The following SZRD1 variants were observed in gnomAD, a reference collection of about 807,000 sequenced individuals.
SZRD1 encodes the protein SUZ RNA-binding domain-containing.
Under a neutral mutation model 17.6 loss-of-function variants are expected in SZRD1, and 7 were observed. That is an observed-to-expected ratio of 0.40 (90% CI 0.23 to 0.75). SZRD1 has a LOEUF of 0.75. Among genes scored for constraint, SZRD1 ranks in the 30% least tolerant of loss-of-function variants. SZRD1 has a pLI of 0.38. For synonymous variants in SZRD1, 77 were observed against 77.9 expected, an observed-to-expected ratio of 0.99 and a Z score of 0.06; for missense variants, 178 against 201.8, an observed-to-expected ratio of 0.88 and a Z score of 0.71.
intron 1 of SZRD1, among the ~76,000 whole-genome samples, chr1:16,377,805 A>G (rs982029288): frequency 6.6e-6 from 1 of 152,148 alleles, no homozygotes; most frequent in African/African-American, 2.4e-5. Flanking sequence ...TCACAGGTGG[A>G]TGTGGGAGCC....
In SZRD1 at chr1:16,386,159, G is replaced by A. The variant is rs538426054; in HGVS notation, c.52-5216G>A. 3.9e-5 allele frequency among the ~76,000 whole-genome samples: 6 copies of A among 152,248 alleles called. No individual in the cohort carries two copies. In the South Asian group the frequency reaches 1.0e-3, roughly 26 times the overall value. On this transcript the variant is annotated intron_variant, in intron 1 of 3. Coordinates refer to ENST00000401088, the MANE Select transcript of SZRD1 (RefSeq NM_001114600.3). ...ACTTGGCTGAAGAGCCTTTCCAGGAGCAGGAGCCATAGGAGATCACTTTCC... is the reference window on the plus strand; with the variant it reads ...ACTTGGCTGAAGAGCCTTTCCAGGAACAGGAGCCATAGGAGATCACTTTCC...
Position 16,393,236 on chromosome 1 carries a change from C to A in SZRD1, c.110C>A (p.Ser37Tyr). ...TGTTTGCTCTTTGTCAGCAGGAAAT[C>A]CAAATCTCCTCCCAAAGTGCCCATT... ...LKITQKESRK[S>Y]KSPPKVPIVI... is the part of the protein sequence containing the mutation. The change falls in exon 3 of 4, where the codon TCC (serine) becomes TAC (tyrosine). Residue 37 changes from serine (S) to tyrosine (Y), a missense_variant. Ser to Tyr is a moderately radical substitution (Grantham distance 144). This residue lies in a region of SZRD1 where 117 missense variants were observed against 108.7 expected (regional missense o/e 1.08). Transcript: ENST00000401088. This position sits in a 1 kb window ranked among gnomAD's most constrained non-coding sequence, Gnocchi z 5.6. The A allele has an allele frequency of 1.9e-6, 3 of 1,613,944 alleles. No homozygotes were observed. Among genetic ancestry groups the A allele is most frequent in the Non-Finnish European group, 1.7e-6 (2 of 1,179,860 alleles).
At chr1:16,381,818 G>A (rs555769781) in intron 1 of SZRD1, among the ~76,000 whole-genome samples, 1 of 151,682 alleles carries the variant, frequency 6.6e-6, no homozygotes, top group East Asian at 2.0e-4. Flanking sequence ...TGTAATCCCA[G>A]CTACTCAGAA....
At chr1:16,376,683 G>A (rs1307247628) in intron 1 of SZRD1, among the ~76,000 whole-genome samples, 1 of 151,472 alleles carries the variant, frequency 6.6e-6, no homozygotes, top group African/African-American at 2.4e-5. Flanking sequence ...GCAGGTGCCT[G>A]TAACCCAAGC....
intron 1 of SZRD1, among the ~76,000 whole-genome samples, chr1:16,375,810 T>C (rs1228125467): frequency 1.3e-5 from 2 of 152,304 alleles, no homozygotes; most frequent in Middle Eastern, 3.4e-3. Flanking sequence ...TGAGATTGTA[T>C]AGAAGGAAAG....
rs1354763101 is a variant in SZRD1 at position 16,391,675 on chromosome 1, A to C, written c.101+251A>C. Among the ~76,000 whole-genome samples, 3 of 152,022 alleles carry C rather than the reference A, an allele frequency of 2.0e-5. No homozygotes were observed. Among genetic ancestry groups the C allele is most frequent in the African/African-American group, 4.8e-5 (2 of 41,384 alleles). ...GAGGTCATCTGATGCAATGTGAGGA[A>C]GTGACAAGTTGGAAGACTTGAGTTT... On this transcript the variant is annotated intron_variant, in intron 2 of 3. Transcript: ENST00000401088. The surrounding 1 kb of genome is among the most constrained non-coding windows in gnomAD (Gnocchi z 4.3).
rs375301778 is a variant in SZRD1 at position 16,384,010 on chromosome 1, T to C, written c.52-7365T>C. Among the ~76,000 whole-genome samples the C allele has an allele frequency of 1.2e-4, 18 of 152,324 alleles. 1 individual carries two copies. In the South Asian group the frequency reaches 3.5e-3, roughly 30 times the overall value. On this transcript the variant is annotated intron_variant, in intron 1 of 3. Coordinates refer to ENST00000401088, the MANE Select transcript of SZRD1 (RefSeq NM_001114600.3). ...AAAATACGTGAATTGTTTAAAAATA[T>C]GTGAAGCATCCCTGTAAAATCAAAC...
intron 1 of SZRD1, among the ~76,000 whole-genome samples, chr1:16,371,060 A>G (rs2082905590): frequency 6.6e-6 from 1 of 152,196 alleles, no homozygotes. Context: ...ACCCTACTCC[A>G]AAACAGCAAA....
chr1:16,394,409 A>G (rs2085270830), intron 3 of SZRD1, among the ~76,000 whole-genome samples: 1 of 152,148 alleles, frequency 6.6e-6, no homozygotes, highest in South Asian at 2.1e-4. Flanking sequence ...GAGATTCCAA[A>G]TGGTTCTGCG....
chr1:16,369,653 C>T, intron 1 of SZRD1: 1 of 532,654 alleles, frequency 1.9e-6, no homozygotes, highest in South Asian at 2.3e-5. Flanking sequence ...CTGTGGGAGG[C>T]TGAGGTGGGT....
chr1:16,380,704 G>T (rs1438109651), intron 1 of SZRD1, among the ~76,000 whole-genome samples: 1 of 152,164 alleles, frequency 6.6e-6, no homozygotes, highest in Non-Finnish European at 1.5e-5. Context: ...CTGACCTCAG[G>T]TGATCTGCCT....
Position 16,389,080 on chromosome 1 carries a change from CTTTTTT to C in SZRD1, c.52-2279_52-2274del, listed in dbSNP as rs779460255. Among the ~76,000 whole-genome samples, 1,040 of 114,874 alleles carry C rather than the reference CTTTTTT, an allele frequency of 9.1e-3. 6 individuals carry two copies. The highest frequency in any genetic ancestry group is 0.032 in the African/African-American group (990 of 30,604). 75.4% of individuals were successfully genotyped at this position (114,874 alleles called of 152,430 possible). ...CCATCAACTGGAGAATAGTTATTTC[CTTTTTT>C]TTTTTTTTTTTTTTTGAGACAGAGT... On this transcript the variant is annotated intron_variant, in intron 1 of 3. Transcript: ENST00000401088.
At chr1:16,376,174 C>A (rs2083000279) in intron 1 of SZRD1, among the ~76,000 whole-genome samples, 5 of 152,152 alleles carry the variant, frequency 3.3e-5, no homozygotes, top group Admixed American at 3.3e-4. Context: ...GGCTGTTAGG[C>A]CTGAGCCCAC....
Position 16,391,415 on chromosome 1 carries a change from A to G in SZRD1, c.92A>G (p.Gln31Arg). 6.5e-7 allele frequency: 1 copy of G among 1,549,376 alleles called. No individual in the cohort carries two copies. Among genetic ancestry groups the G allele is most frequent in the South Asian group, 1.2e-5 (1 of 83,946 alleles). Residue 31 changes from glutamine (Q) to arginine (R), a missense_variant, in exon 2 of 4, where the codon CAA (glutamine) becomes CGA (arginine). By Grantham distance (43) the Gln-to-Arg change is conservative. Coordinates refer to ENST00000401088, the MANE Select transcript of SZRD1 (RefSeq NM_001114600.3). The surrounding 1 kb of genome is among the most constrained non-coding windows in gnomAD (Gnocchi z 4.3). ...RRLEKKLKIT[Q>R]KESRKSKSPP... is the part of the protein sequence containing the mutation. ...TTGGAAAAAAAACTGAAGATCACAC[A>G]AAAAGAGAGGTAAGGCTGCTGTCTG...
chr1:16,395,225 C>G lies in SZRD1; in HGVS notation c.*85C>G. ...CGGGTTGCACTGCCGTGGCAGACAG[C>G]TGGACTTGAGCAGAGGGAACGACCT... is the stretch of plus-strand genomic sequence containing the variant. On this transcript the variant is annotated 3_prime_UTR_variant, in exon 4 of 4. Transcript: ENST00000401088. The G allele has an allele frequency of 1.1e-6, 1 of 947,112 alleles. No homozygotes were observed. The highest frequency in any genetic ancestry group is 1.7e-6 in the Non-Finnish European group (1 of 581,014). 58.7% of individuals were successfully genotyped at this position (947,112 alleles called of 1,614,324 possible).
At chr1:16,385,077 T>G (rs1050135825) in intron 1 of SZRD1, among the ~76,000 whole-genome samples, 5 of 152,248 alleles carry the variant, frequency 3.3e-5, no homozygotes, top group African/African-American at 1.2e-4. Context: ...GAGTATTTTC[T>G]AATTCAAAGT....
At chr1:16,374,298 G>A (rs11260738) in intron 1 of SZRD1, among the ~76,000 whole-genome samples, 77,940 of 151,962 alleles carry the variant, frequency 0.51, 19,988 homozygotes, top group East Asian at 0.67. Context: ...CTGTGAAGCA[G>A]TTGGGCAGTT....
chr1:16,390,041 C>T (rs1443919382), intron 1 of SZRD1, among the ~76,000 whole-genome samples: 2 of 152,196 alleles, frequency 1.3e-5, no homozygotes, highest in Non-Finnish European at 2.9e-5. Context: ...TCCAGTGTCC[C>T]CTGAGGGACA....
At chr1:16,380,905 C>G (rs2083089496) in intron 1 of SZRD1, among the ~76,000 whole-genome samples, 1 of 151,272 alleles carries the variant, frequency 6.6e-6, no homozygotes, top group East Asian at 1.9e-4. Context: ...CTGCACCCAG[C>G]CCCTCATCTT....
Sources: gnomAD v4.1 joint callset for allele counts (sites outside exome capture counted in the v4.1 genomes callset) on GRCh38, gnomAD v4.1.1 for gene constraint, gnomAD v4.1.1 regional missense constraint, Gnocchi (gnomAD v3.1) non-coding constraint, MANE v1.5 for transcripts, NCBI Gene and HGNC (gene_info 2026-07-23, HGNC 2026-07-21) for gene names.